The following TSC22D4 variants were observed in gnomAD, a reference collection of about 807,000 sequenced individuals.
TSC22D4 encodes TSC22 domain family protein 4.
A neutral mutation model predicts 24.9 loss-of-function variants in TSC22D4; 5 were observed. The observed-to-expected ratio is 0.20, with a 90% confidence interval of 0.10 to 0.42. TSC22D4 has a LOEUF of 0.42. TSC22D4 is among the 10% of genes least tolerant of loss of function. The probability of loss-of-function intolerance (pLI) is 1.00; values close to 1 mark genes in which losing one functional copy is unlikely to be tolerated. For missense variants in TSC22D4, 469 were observed against 547.9 expected (o/e 0.86, Z 1.44); for synonymous variants, 245 against 243.2 (o/e 1.01, Z -0.07).
chr7:100,477,740 A>C lies in TSC22D4; in HGVS notation c.299T>G (p.Leu100Arg), dbSNP rs769224540. ...WTCVDVYERD[L>R]EPHSFGGLLE... The stretch of plus-strand genomic sequence containing the variant: ...GAGTCCGCCGAAGCTGTGGGGCTCC[A>C]GGTCTCGCTCATAAACATCCACACA... The change falls in exon 2 of 5, where the codon CTG becomes CGG. Residue 100 changes from leucine to arginine, a missense_variant. Transcript: ENST00000300181. The surrounding 1 kb of genome is among the most constrained non-coding windows in gnomAD (Gnocchi z 7.8). The C allele has an allele frequency of 6.9e-6, 11 of 1,603,028 alleles. No individual in the cohort carries two copies. Among genetic ancestry groups the C allele is most frequent in the Non-Finnish European group, 8.5e-6 (10 of 1,179,682 alleles).
At chr7:100,475,764 G>T (rs1314422787) in intron 2 of TSC22D4, among the ~76,000 whole-genome samples, 1 of 151,820 alleles carries the variant, frequency 6.6e-6, no homozygotes, top group Non-Finnish European at 1.5e-5. Context: ...GCAGCAAAAA[G>T]GGCGGGGGCG....
Position 100,466,706 on chromosome 7 carries a change from T to G in TSC22D4, c.*253A>C. 1 of 515,730 alleles carries G rather than the reference T, an allele frequency of 1.9e-6. No homozygotes were observed. The allele number at this position is 515,730 out of a possible 1,614,324, so 31.9% of individuals were successfully genotyped here. ...CCCCAAGCCGTCTACTGCTGGGGGGTCCCAGGAGGGAGGGTGGGGGTTGGT... is the reference window on the plus strand; with the variant it reads ...CCCCAAGCCGTCTACTGCTGGGGGGGCCCAGGAGGGAGGGTGGGGGTTGGT... On this transcript the variant is annotated 3_prime_UTR_variant, in exon 5 of 5. Coordinates refer to ENST00000300181, the MANE Select transcript of TSC22D4 (RefSeq NM_030935.5).
At chr7:100,470,059 G>C (rs1379107737) in intron 3 of TSC22D4, among the ~76,000 whole-genome samples, 1 of 152,048 alleles carries the variant, frequency 6.6e-6, no homozygotes, top group Non-Finnish European at 1.5e-5. Context: ...AGTAATTTTC[G>C]AGCTATTTCA....
chr7:100,474,227 C>A lies in TSC22D4; in HGVS notation c.929+47G>T, dbSNP rs755688180. 3 of 1,600,692 alleles carry A rather than the reference C, an allele frequency of 1.9e-6. No individual in the cohort carries two copies. The highest frequency in any genetic ancestry group is 2.2e-5 in the South Asian group (2 of 90,508). On this transcript the variant is annotated intron_variant, in intron 3 of 4. Coordinates refer to ENST00000300181, the MANE Select transcript of TSC22D4 (RefSeq NM_030935.5). The surrounding 1 kb of genome is among the most constrained non-coding windows in gnomAD (Gnocchi z 4.3). ...TCTTACAGCTACCCCGGGTGCTGGG[C>A]GGGGAACCTGAACCCCACGCCCCAC...
At chr7:100,472,582 G>A (rs1799412914) in intron 3 of TSC22D4, among the ~76,000 whole-genome samples, 1 of 152,070 alleles carries the variant, frequency 6.6e-6, no homozygotes. Context: ...AGAGGGAGAG[G>A]GCGGGAAACG....
chr7:100,472,288 C>T lies in TSC22D4; in HGVS notation c.929+1986G>A, dbSNP rs573284370. 1.8e-4 allele frequency among the ~76,000 whole-genome samples: 27 copies of T among 152,134 alleles called. No individual in the cohort carries two copies. In the South Asian group the frequency reaches 3.1e-3, roughly 18 times the overall value. ...GGCAGGGGGTGGCCCAACCCAAACC[C>T]GCTGGCCTGGCAGGGTGGGGCTTGA... On this transcript the variant is annotated intron_variant, in intron 3 of 4. Coordinates refer to ENST00000300181, the MANE Select transcript of TSC22D4 (RefSeq NM_030935.5).
chr7:100,477,649 C>T lies in TSC22D4; in HGVS notation c.390G>A (p.Leu130=). 8 of 1,594,178 alleles carry T rather than the reference C, an allele frequency of 5.0e-6. No homozygotes were observed. The highest frequency in any genetic ancestry group is 6.8e-6 in the Non-Finnish European group (8 of 1,175,378). Residue 130 remains leucine, a synonymous_variant, in exon 2 of 5, where the codon CTG becomes CTA. Transcript: ENST00000300181. The surrounding 1 kb of genome is among the most constrained non-coding windows in gnomAD (Gnocchi z 7.8). ...GGRSLDSRLE[L]ASLGLGAPTP... Reference sequence around the variant, plus strand: ...TGGGGGCGCCCAGGCCGAGGCTGGCCAGCTCCAACCTGGAATCCAAAGATC... The same window carrying T: ...TGGGGGCGCCCAGGCCGAGGCTGGCTAGCTCCAACCTGGAATCCAAAGATC...
intron 3 of TSC22D4, among the ~76,000 whole-genome samples, chr7:100,470,425 G>C (rs1320254920): frequency 2.0e-5 from 3 of 152,132 alleles, no homozygotes; most frequent in African/African-American, 7.2e-5. Flanking sequence ...CAGAGTAGCT[G>C]AGATTACAGG....
chr7:100,475,259 T>G (rs1799474189), intron 2 of TSC22D4, among the ~76,000 whole-genome samples: 1 of 152,240 alleles, frequency 6.6e-6, no homozygotes, highest in Admixed American at 6.5e-5. Context: ...AATTTTTTTA[T>G]TTTTAGTAGA....
chr7:100,467,720 G>T, intron 3 of TSC22D4, 120 bp from the exon 4 acceptor site: 1 of 1,056,136 alleles, frequency 9.5e-7, no homozygotes, highest in East Asian at 2.4e-5. Context: ...ATGAGGGAGA[G>T]GAGGGTTTTG....
Position 100,474,067 on chromosome 7 carries a change from G to T in TSC22D4, c.929+207C>A. ...TGTGACCTGACAGTTCTGAGCCAGG[G>T]AGTCCCACCCAGCCCTCTCCACAGA... On this transcript the variant is annotated intron_variant, in intron 3 of 4. Transcript: ENST00000300181. The surrounding 1 kb of genome is among the most constrained non-coding windows in gnomAD (Gnocchi z 4.3). 3 of 582,326 alleles carry T rather than the reference G, an allele frequency of 5.2e-6. No homozygotes were observed. The highest frequency in any genetic ancestry group is 6.0e-6 in the Non-Finnish European group (2 of 335,102). 36.1% of individuals were successfully genotyped at this position (582,326 alleles called of 1,614,324 possible).
At chr7:100,469,355 G>A (rs1166837081) in intron 3 of TSC22D4, among the ~76,000 whole-genome samples, 3 of 152,116 alleles carry the variant, frequency 2.0e-5, no homozygotes, top group African/African-American at 7.2e-5. Flanking sequence ...GAGCAACAGG[G>A]CTTGGAAGAG....
rs77627196 is a variant in TSC22D4, at chr7:100,468,537, G to A, written c.930-937C>T. Among the ~76,000 whole-genome samples, 529 of 152,326 alleles carry A rather than the reference G, an allele frequency of 3.5e-3. 3 individuals are homozygous for A. The highest frequency in any genetic ancestry group is 0.012 in the African/African-American group (488 of 41,568). ...AAACCCCACAAGGCTCACATCATGG[G>A]TGACCCCTGGGATCTGGCCAGAGGG... On this transcript the variant is annotated intron_variant, in intron 3 of 4. Coordinates refer to ENST00000300181, the MANE Select transcript of TSC22D4 (RefSeq NM_030935.5).
intron 3 of TSC22D4, chr7:100,473,760 A>G (rs1173195824): frequency 8.1e-6 from 1 of 123,124 alleles, no homozygotes; most frequent in East Asian, 2.5e-4. Flanking sequence ...TTATGTATAT[A>G]TATATATATT....
intron 3 of TSC22D4, among the ~76,000 whole-genome samples, chr7:100,468,886 G>A (rs1563179914): frequency 6.6e-6 from 1 of 151,496 alleles, no homozygotes; most frequent in African/African-American, 2.4e-5. Flanking sequence ...GCAGTGAGCC[G>A]AGATCGTGCT....
intron 3 of TSC22D4, among the ~76,000 whole-genome samples, chr7:100,470,893 C>A (rs954645637): frequency 6.6e-6 from 1 of 152,162 alleles, no homozygotes; most frequent in African/African-American, 2.4e-5. Context: ...ATGAGCGGCA[C>A]CCCCTGGAGT....
At chr7:100,473,897 G>GGGA in intron 3 of TSC22D4, 1 of 197,286 alleles carries the variant, frequency 5.1e-6, no homozygotes, top group Non-Finnish European at 1.1e-5. Context: ...GAGTACAGGC[G>GGGA]GGAGCCACTG....
chr7:100,468,008 G>T (rs1187182859), intron 3 of TSC22D4: 2 of 472,874 alleles, frequency 4.2e-6, no homozygotes, highest in Non-Finnish European at 8.7e-6. Flanking sequence ...GGAATGCCTG[G>T]GGGGCTCAGA....
At chr7:100,478,344 AGAGAGAGTGTGTGTGTGTGT>A (rs1294659313) in intron 1 of TSC22D4, 37 bp from the exon 2 acceptor site, 4 of 289,194 alleles carry the variant, frequency 1.4e-5, no homozygotes, top group South Asian at 7.6e-5. Context: ...AGAGAGAGAG[AGAGAGAGTGTGTGTGTGTGT>A]GTGTGTGTGT....
Sources: allele counts gnomAD v4.1 joint callset (sites outside exome capture counted in the v4.1 genomes callset), GRCh38; gene constraint gnomAD v4.1.1; non-coding constraint Gnocchi (gnomAD v3.1); transcripts MANE v1.5; gene names NCBI Gene and HGNC (gene_info 2026-07-23, HGNC 2026-07-21).